Variants in TUBA1C observed in about 807,000 individuals in gnomAD.
The protein encoded by TUBA1C is tubulin alpha 1c, also known as tubulin alpha-1C chain.
TUBA1C carries 16 observed loss-of-function variants against 34.9 expected under a neutral mutation model. The observed-to-expected ratio is 0.46, with a 90% CI of 0.31 to 0.70. TUBA1C has a LOEUF of 0.70. Ranked by LOEUF, TUBA1C falls within the 30% of genes least tolerant of loss-of-function variation. TUBA1C has a pLI of 0.05. For synonymous variants in TUBA1C, 177 were observed against 215.9 expected (o/e 0.82, Z 1.58); for missense variants, 329 against 587.3 (o/e 0.56, Z 4.55).
intron 1 of TUBA1C, among the ~76,000 whole-genome samples, chr12:49,229,931 G>C (rs1014714538): frequency 4.6e-5 from 7 of 152,060 alleles, no homozygotes; most frequent in African/African-American, 1.4e-4. Context: ...GGGACTATAG[G>C]CGTGTACCAC....
intron 1 of TUBA1C, among the ~76,000 whole-genome samples, chr12:49,250,865 G>A (rs909439491): frequency 2.0e-5 from 3 of 151,716 alleles, no homozygotes; most frequent in Non-Finnish European, 4.4e-5. Context: ...GAAGAAATAG[G>A]ATATCCAAAC....
At chr12:49,238,177 G>A (rs17123623) in intron 1 of TUBA1C, among the ~76,000 whole-genome samples, 14,712 of 152,004 alleles carry the variant, frequency 0.097, 793 homozygotes, top group East Asian at 0.14. Flanking sequence ...GTAAGACGAA[G>A]TTATTGGGTA....
chr12:49,257,071 T>C (rs1452068860), intron 1 of TUBA1C, among the ~76,000 whole-genome samples: 1 of 151,252 alleles, frequency 6.6e-6, no homozygotes, highest in Non-Finnish European at 1.5e-5. Context: ...TCCCAGCTAC[T>C]TGGGAGTCTG....
At chr12:49,252,483 TGA>T (rs1942740765) in intron 1 of TUBA1C, among the ~76,000 whole-genome samples, 1 of 152,164 alleles carries the variant, frequency 6.6e-6, no homozygotes, top group African/African-American at 2.4e-5. Context: ...ATTTTCTCAG[TGA>T]ATAAGGGTGA....
At chr12:49,229,832 G>A (rs1048957704) in intron 1 of TUBA1C, among the ~76,000 whole-genome samples, 43 of 151,538 alleles carry the variant, frequency 2.8e-4, no homozygotes, top group African/African-American at 8.5e-4. Flanking sequence ...TTGCTCTGTC[G>A]CCCAGGCTGC....
chr12:49,231,970 A>G (rs1453970384), intron 1 of TUBA1C, among the ~76,000 whole-genome samples: 4 of 152,236 alleles, frequency 2.6e-5, no homozygotes. Context: ...CCATTAGATC[A>G]TCTATCCCTA....
chr12:49,265,104 T>G lies in TUBA1C; in HGVS notation c.-78T>G. 6.5e-7 allele frequency: 1 copy of G among 1,546,452 alleles called. No individual in the cohort carries two copies. The highest frequency in any genetic ancestry group is 1.2e-5 in the South Asian group (1 of 81,460). ...TTCACTACTTCTCCCCCGGACTCCT[T>G]GGTAGTCTGTTAGTGGGAGATCCTT... On this transcript the variant is annotated 5_prime_UTR_variant, in exon 1 of 4. Transcript: ENST00000301072.
In TUBA1C at chr12:49,272,681, T is replaced by G; in HGVS notation, c.804T>G (p.Pro268=). Residue 268 remains proline, a synonymous_variant, in exon 4 of 4, where the codon CCT becomes CCG. Transcript: ENST00000301072. Reference sequence around the variant, plus strand: ...TGCCCTACCCCCGCATCCACTTCCCTCTGGCCACATATGCCCCTGTCATCT... The same window carrying G: ...TGCCCTACCCCCGCATCCACTTCCCGCTGGCCACATATGCCCCTGTCATCT... ...NLVPYPRIHF[P]LATYAPVISA... The G allele has an allele frequency of 1.2e-6, 2 of 1,611,868 alleles. No homozygotes were observed. Among genetic ancestry groups the G allele is most frequent in the Non-Finnish European group, 1.7e-6 (2 of 1,179,606 alleles).
intron 1 of TUBA1C, chr12:49,256,452 G>A: frequency 2.2e-6 from 1 of 455,538 alleles, no homozygotes; most frequent in South Asian, 1.6e-5. Flanking sequence ...AGCAGCTGAG[G>A]GAACTGGATA....
At chr12:49,252,318 C>T (rs1394749197) in intron 1 of TUBA1C, among the ~76,000 whole-genome samples, 2 of 152,182 alleles carry the variant, frequency 1.3e-5, no homozygotes, top group Non-Finnish European at 2.9e-5. Context: ...GCTCTTTTCA[C>T]CAGCTTGACC....
chr12:49,270,163 A>AC, intron 3 of TUBA1C, 187 bp downstream of exon 3: 1 of 1,238,370 alleles, frequency 8.1e-7, no homozygotes, highest in Non-Finnish European at 1.1e-6. Context: ...TATGGGGTAG[A>AC]AGTAAGTGCT....
upstream of TUBA1C, chr12:49,264,858 TCCCCTTCC>T (rs1942881706): frequency 9.1e-6 from 1 of 109,528 alleles, no homozygotes; most frequent in Non-Finnish European, 1.8e-5. Flanking sequence ...CTCCCCTTCC[TCCCCTTCC>T]TCCTCTTCCT....
intron 2 of TUBA1C, 32 bp from the exon 3 acceptor site, chr12:49,269,796 C>A (rs1565650345): frequency 6.2e-7 from 1 of 1,604,638 alleles, no homozygotes; most frequent in South Asian, 1.1e-5. Flanking sequence ...CGCTCCTTGT[C>A]CCTCCTCCTC....
chr12:49,251,406 G>A (rs1942730643), intron 1 of TUBA1C, among the ~76,000 whole-genome samples: 1 of 152,126 alleles, frequency 6.6e-6, no homozygotes, highest in Admixed American at 6.6e-5. Flanking sequence ...TAAAGACACT[G>A]TAAGAAAAGT....
At chr12:49,236,214 GAGGGTCT>G (rs1266268839) in intron 1 of TUBA1C, among the ~76,000 whole-genome samples, 1 of 152,338 alleles carries the variant, frequency 6.6e-6, no homozygotes, top group East Asian at 1.9e-4. Flanking sequence ...CTTTTCACAT[GAGGGTCT>G]AAATGCATTA....
At chr12:49,233,814 T>G (rs994355792) in intron 1 of TUBA1C, 1 of 152,078 alleles carries the variant, frequency 6.6e-6, no homozygotes, top group Non-Finnish European at 1.5e-5. Flanking sequence ...CTGGGCAAGG[T>G]GAAGGGCAGG....
intron 1 of TUBA1C, among the ~76,000 whole-genome samples, chr12:49,234,732 G>T (rs1565637852): frequency 6.6e-6 from 1 of 152,260 alleles, no homozygotes; most frequent in Non-Finnish European, 1.5e-5. Flanking sequence ...ACATATCGCT[G>T]TCCGCGAAAG....
upstream of TUBA1C, among the ~76,000 whole-genome samples, chr12:49,261,217 G>A (rs1320393218): frequency 2.0e-5 from 3 of 150,990 alleles, no homozygotes; most frequent in East Asian, 1.9e-4. Flanking sequence ...GCAACACAGC[G>A]AGACACCGTC....
rs1473989403 is a variant in TUBA1C, at chr12:49,257,462, G to A, written c.214-12003G>A. On this transcript the variant is annotated intron_variant, in intron 1 of 3. Transcript: ENST00000541364. ...TGGAGGGGCTGAGGAATGGGGGCAGGAAGAGGCATTTATTTTTTTTTTAAT... is the reference window on the plus strand; with the variant it reads ...TGGAGGGGCTGAGGAATGGGGGCAGAAAGAGGCATTTATTTTTTTTTTAAT... Among the ~76,000 whole-genome samples the A allele has an allele frequency of 2.0e-5, 3 of 152,078 alleles. No individual in the cohort carries two copies. In the East Asian group the frequency reaches 5.8e-4, roughly 29 times the overall value.
Sources: gnomAD v4.1 joint callset for allele counts (sites outside exome capture counted in the v4.1 genomes callset) on GRCh38, gnomAD v4.1.1 for gene constraint, MANE v1.5 for transcripts, NCBI Gene and HGNC (gene_info 2026-07-23, HGNC 2026-07-21) for gene names.